The following ATXN7L1 variants were observed in gnomAD, a reference collection of about 807,000 sequenced individuals.
ATXN7L1 encodes the protein ataxin-7-like protein 1.
Under a neutral mutation model 70.8 loss-of-function variants are expected in ATXN7L1, and 15 were observed. The ratio of observed to expected loss-of-function variants is 0.21; its 90% CI spans 0.14 to 0.33. The LOEUF is 0.33. Among genes scored for constraint, ATXN7L1 ranks in the 10% least tolerant of loss-of-function variants. ATXN7L1 has a pLI of 1.00. For missense variants in ATXN7L1, 975 were observed against 1,097.1 expected (o/e 0.89, Z 1.57); for synonymous variants, 440 against 445.1 (o/e 0.99, Z 0.14).
intron 7 of ATXN7L1, among the ~76,000 whole-genome samples, chr7:105,634,808 A>G (rs957861042): frequency 6.6e-6 from 1 of 152,096 alleles, no homozygotes; most frequent in Non-Finnish European, 1.5e-5. Context: ...GGCGGGGTGC[A>G]GCAGCTCATG....
intron 2 of ATXN7L1, among the ~76,000 whole-genome samples, chr7:105,806,929 T>C (rs1585049556): frequency 1.1e-5 from 1 of 87,342 alleles, no homozygotes; most frequent in Non-Finnish European, 2.4e-5. Context: ...AAGGGTGACT[T>C]ACTTGTTTCA....
At chr7:105,727,856 T>C (rs561377798) in intron 3 of ATXN7L1, among the ~76,000 whole-genome samples, 1 of 146,184 alleles carries the variant, frequency 6.8e-6, no homozygotes, top group Non-Finnish European at 1.5e-5. Flanking sequence ...ATGTTTTCCA[T>C]ATATATATAT....
At chr7:105,862,724 G>A (rs1300698392) in intron 2 of ATXN7L1, among the ~76,000 whole-genome samples, 2 of 152,150 alleles carry the variant, frequency 1.3e-5, no homozygotes, top group African/African-American at 4.8e-5. Context: ...GAGAGAGACA[G>A]GGGGGTGACA....
rs1444560967 is a variant in ATXN7L1, at chr7:105,614,076, T to G, written c.2258A>C (p.His753Pro). Residue 753 changes from histidine (H) to proline (P), a missense_variant, in exon 10 of 12, where the codon CAC becomes CCC. By Grantham distance (77) the His-to-Pro change is moderately conservative. Around this residue, in one of 5 missense-constraint regions of ATXN7L1, gnomAD observed 635 missense variants for 699.4 expected, o/e 0.91. Coordinates refer to ENST00000419735, the MANE Select transcript of ATXN7L1 (RefSeq NM_020725.2). The surrounding 1 kb of genome is among the most constrained non-coding windows in gnomAD (Gnocchi z 4.3). Reference protein sequence around the residue: ...CPLSVPSLALHAGDLSLASHN... With the variant: ...CPLSVPSLALPAGDLSLASHN... ...TGAGGCCAGAGAGAGGTCCCCTGCG[T>G]GGAGCGCAAGGGAGGGCACAGAGAG... 16 of 1,551,652 alleles carry G rather than the reference T, an allele frequency of 1.0e-5. No homozygotes were observed. The highest frequency in any genetic ancestry group is 1.3e-5 in the Non-Finnish European group (15 of 1,147,010).
At chr7:105,862,513 C>T (rs1816789314) in intron 2 of ATXN7L1, among the ~76,000 whole-genome samples, 4 of 152,136 alleles carry the variant, frequency 2.6e-5, no homozygotes, top group Admixed American at 2.6e-4. Context: ...GATTCTGTCC[C>T]ATTAAGTGTA....
At chr7:105,771,228 A>AATAATG (rs1462385064) in intron 3 of ATXN7L1, among the ~76,000 whole-genome samples, 1 of 149,690 alleles carries the variant, frequency 6.7e-6, no homozygotes, top group African/African-American at 2.4e-5. Flanking sequence ...TAATAATAAT[A>AATAATG]ATAATAATAA....
Position 105,853,987 on chromosome 7 carries a change from C to A in ATXN7L1, c.250+21825G>T, listed in dbSNP as rs200886107. Among the ~76,000 whole-genome samples, 37 of 152,164 alleles carry A rather than the reference C, an allele frequency of 2.4e-4. No individual in the cohort carries two copies. The East Asian group carries it at 5.2e-3, about 21-fold the overall frequency. ...CAGGGGCCTAACATCTGTGGACACG[C>A]GGCGGTCTAAGCACCGACTGGCTGA... On this transcript the variant is annotated intron_variant, in intron 2 of 11. Coordinates refer to ENST00000419735, the MANE Select transcript of ATXN7L1 (RefSeq NM_020725.2).
chr7:105,869,167 C>T (rs147586248), intron 2 of ATXN7L1, among the ~76,000 whole-genome samples: 18 of 152,246 alleles, frequency 1.2e-4, no homozygotes, highest in Admixed American at 8.5e-4. Context: ...ACCTTTAAGC[C>T]GCTCCATCTC....
At chr7:105,798,936 A>T (rs1481582496) in intron 2 of ATXN7L1, among the ~76,000 whole-genome samples, 3 of 152,240 alleles carry the variant, frequency 2.0e-5, no homozygotes, top group African/African-American at 7.2e-5. Flanking sequence ...CTCCGCTAAG[A>T]CTAGAACAAT....
At chr7:105,837,133 G>A (rs933441233) in intron 2 of ATXN7L1, among the ~76,000 whole-genome samples, 1 of 152,146 alleles carries the variant, frequency 6.6e-6, no homozygotes, top group South Asian at 2.1e-4. Flanking sequence ...TGAACTCAGA[G>A]CGTGAGTTCA....
At chr7:105,617,015 A>T (rs1033021841) in intron 9 of ATXN7L1, among the ~76,000 whole-genome samples, 1 of 152,140 alleles carries the variant, frequency 6.6e-6, no homozygotes, top group Non-Finnish European at 1.5e-5. Flanking sequence ...ATGACTTTGA[A>T]TGGGATCCAT....
chr7:105,807,977 C>A (rs902693451), intron 2 of ATXN7L1, among the ~76,000 whole-genome samples: 5 of 152,270 alleles, frequency 3.3e-5, no homozygotes, highest in African/African-American at 1.2e-4. Flanking sequence ...GAGCTAGCAT[C>A]TCCTTCCAGC....
intron 3 of ATXN7L1, among the ~76,000 whole-genome samples, chr7:105,754,962 T>G (rs1031664829): frequency 3.3e-5 from 5 of 152,172 alleles, no homozygotes; most frequent in Non-Finnish European, 7.3e-5. Context: ...CATCCAGCCC[T>G]GGGGACAGAC....
At chr7:105,851,330 G>A (rs1814846477) in intron 2 of ATXN7L1, among the ~76,000 whole-genome samples, 1 of 152,196 alleles carries the variant, frequency 6.6e-6, no homozygotes, top group Non-Finnish European at 1.5e-5. Flanking sequence ...GCAAAGCTAC[G>A]CCTTTCCCCC....
At chr7:105,813,275 A>G (rs1484490712) in intron 2 of ATXN7L1, among the ~76,000 whole-genome samples, 2 of 152,008 alleles carry the variant, frequency 1.3e-5, no homozygotes, top group Non-Finnish European at 2.9e-5. Context: ...CACAGTTCTT[A>G]GTAAACCCAG....
intron 3 of ATXN7L1, among the ~76,000 whole-genome samples, chr7:105,669,491 G>A (rs1803185324): frequency 6.6e-6 from 1 of 152,156 alleles, no homozygotes. Flanking sequence ...GTTGTTTGAT[G>A]TGTGATTTTG....
chr7:105,778,535 A>AAAAC (rs1554460035), intron 3 of ATXN7L1, among the ~76,000 whole-genome samples: 4 of 146,806 alleles, frequency 2.7e-5, no homozygotes, highest in Admixed American at 6.8e-5. Flanking sequence ...AAAAAAAAAA[A>AAAAC]CAAAGACTAA....
chr7:105,872,067 A>C (rs1818353091), intron 2 of ATXN7L1, among the ~76,000 whole-genome samples: 1 of 150,622 alleles, frequency 6.6e-6, no homozygotes, highest in Non-Finnish European at 1.5e-5. Context: ...ATCTTGGCTC[A>C]CTGCAAGCTC....
At chr7:105,733,601 T>A (rs1333861166) in intron 3 of ATXN7L1, among the ~76,000 whole-genome samples, 1 of 97,152 alleles carries the variant, frequency 1.0e-5, no homozygotes, top group African/African-American at 4.1e-5. Context: ...CATCCATCCA[T>A]CCACCCATCC....
Sources: allele counts gnomAD v4.1 joint callset (sites outside exome capture counted in the v4.1 genomes callset), GRCh38; gene constraint gnomAD v4.1.1; regional missense constraint gnomAD v4.1.1; non-coding constraint Gnocchi (gnomAD v3.1); transcripts MANE v1.5; gene names NCBI Gene and HGNC (gene_info 2026-07-23, HGNC 2026-07-21).